Variants in KDM6B observed in about 807,000 individuals in gnomAD.
KDM6B encodes the protein lysine-specific demethylase 6B.
A neutral mutation model predicts 150.4 loss-of-function variants in KDM6B; 22 were observed. The observed-to-expected ratio is 0.15, with a 90% CI of 0.10 to 0.21. KDM6B has a LOEUF of 0.21. Ranked by LOEUF, KDM6B falls within the 10% of genes least tolerant of loss-of-function variation. KDM6B has a pLI of 1.00. For missense variants in KDM6B, 1,984 were observed against 2,234.3 expected (o/e 0.89, Z 2.26); for synonymous variants, 1,148 against 921.1 (o/e 1.25, Z -4.46).
chr17:7,845,773 C>T, intron 5 of KDM6B, 82 bp downstream of exon 5: 3 of 1,605,688 alleles, frequency 1.9e-6, no homozygotes, highest in East Asian at 4.5e-5. Context: ...TCCATGGGTT[C>T]CTGTCATTCT....
intron 1 of KDM6B, among the ~76,000 whole-genome samples, chr17:7,835,302 G>A (rs1250786035): frequency 6.6e-6 from 1 of 152,104 alleles, no homozygotes; most frequent in Non-Finnish European, 1.5e-5. Flanking sequence ...TGCAGCTTAT[G>A]TTGTGACACT....
chr17:7,842,649 G>A (rs1196618894), intron 2 of KDM6B, among the ~76,000 whole-genome samples: 7 of 152,220 alleles, frequency 4.6e-5, no homozygotes, highest in Non-Finnish European at 7.3e-5. Context: ...GCCCGGCACG[G>A]GGAGGGGCCA....
intron 18 of KDM6B, 23 bp from the exon 19 acceptor site, chr17:7,851,928 C>T (rs1433716012): frequency 1.2e-6 from 2 of 1,610,864 alleles, no homozygotes; most frequent in African/African-American, 1.3e-5. Context: ...GCCAGCCATG[C>T]CGTTCTCTGT....
Position 7,853,789 on chromosome 17 carries a change from C to T in KDM6B, c.*268C>T. 1 of 280,406 alleles carries T rather than the reference C, an allele frequency of 3.6e-6. No homozygotes were observed. Among genetic ancestry groups the T allele is most frequent in the Non-Finnish European group, 6.6e-6 (1 of 151,608 alleles). The allele number at this position is 280,406 out of a possible 1,614,324, so 17.4% of individuals were successfully genotyped here. On this transcript the variant is annotated 3_prime_UTR_variant, in exon 24 of 24. Transcript: ENST00000448097. ...CAGCGCCTCCCCTCACCGACTTTGG[C>T]CTTTTTAGCAACAGACACAAGGACC...
chr17:7,851,445 C>T (rs770714585), intron 16 of KDM6B, 33 bp from the exon 17 acceptor site: 4 of 1,614,200 alleles, frequency 2.5e-6, no homozygotes, highest in Non-Finnish European at 3.4e-6. Flanking sequence ...CCTCCCTCTG[C>T]TCTCCACCAA....
Position 7,848,831 on chromosome 17 carries a change from T to A in KDM6B, c.2543T>A (p.Leu848Gln). 6.2e-7 allele frequency: 1 copy of A among 1,612,272 alleles called. No individual in the cohort carries two copies. The highest frequency in any genetic ancestry group is 8.5e-7 in the Non-Finnish European group (1 of 1,179,790). Residue 848 changes from leucine to glutamine, a missense_variant, in exon 12 of 24, where the codon CTG becomes CAG. Physicochemically the swap from Leu to Gln is moderately radical, Grantham distance 113. Around this residue, in one of 13 missense-constraint regions of KDM6B, gnomAD observed 1,379 missense variants for 1,275.6 expected, o/e 1.08. Coordinates refer to ENST00000448097, the MANE Select transcript of KDM6B (RefSeq NM_001348716.2). The part of the protein sequence containing the change: ...SPGPPSGATA[L>Q]PPTSAAPSAQ... ...GGCCCCCCATCAGGTGCTACCGCCC[T>A]GCCGCCCACCTCAGCGGCCCCTAGC...
Position 7,843,222 on chromosome 17 carries a change from C to T in KDM6B, c.-268-1679C>T, listed in dbSNP as rs1363681007. ...TCTGCCCCTCTGTTGTCTGGTTCCC[C>T]GGCTCCCCCTCCACGTCTGGTTCTT... On this transcript the variant is annotated intron_variant, in intron 2 of 23. Transcript: ENST00000448097. The surrounding 1 kb of genome is among the most constrained non-coding windows in gnomAD (Gnocchi z 4.5). Among the ~76,000 whole-genome samples the T allele has an allele frequency of 6.6e-6, 1 of 152,148 alleles. No homozygotes were observed. The highest frequency in any genetic ancestry group is 1.5e-5 in the Non-Finnish European group (1 of 68,030).
Position 7,848,612 on chromosome 17 carries a change from T to G in KDM6B, c.2324T>G (p.Leu775Arg), listed in dbSNP as rs758101438. The G allele has an allele frequency of 1.3e-6, 2 of 1,569,274 alleles. No individual in the cohort carries two copies. Among genetic ancestry groups the G allele is most frequent in the African/African-American group, 2.8e-5 (2 of 70,254 alleles). Residue 775 changes from leucine to arginine, a missense_variant, in exon 12 of 24, where the codon CTA (leucine) becomes CGA (arginine). Leu to Arg is a moderately radical substitution (Grantham distance 102). Coordinates refer to ENST00000448097, the MANE Select transcript of KDM6B (RefSeq NM_001348716.2). ...GAGGAGAAGAAGCCACCACCAGCCC[T>G]ACCACCACCACCGCCTCTAGCCAAG... ...QEEEKKPPPA[L>R]PPPPPLAKFP...
In KDM6B at chr17:7,847,186, C is replaced by T. The variant is rs574745877; in HGVS notation, c.991C>T (p.Pro331Ser). The change falls in exon 11 of 24, where the codon CCG becomes TCG. Residue 331 changes from proline (P) to serine (S), a missense_variant. Physicochemically the swap from Pro to Ser is moderately conservative, Grantham distance 74. This residue lies in a region of KDM6B where 1,379 missense variants were observed against 1,275.6 expected (regional missense o/e 1.08). Coordinates refer to ENST00000448097, the MANE Select transcript of KDM6B (RefSeq NM_001348716.2). ...GCACCCCCCTGGCCACCGGCTGGTC[C>T]CGGCTGCTCCCCCAGGCCCAGGCCC... ...TAHPPGHRLV[P>S]AAPPGPGPRP... is the part of the protein sequence containing the mutation. 4 of 1,603,616 alleles carry T rather than the reference C, an allele frequency of 2.5e-6. No individual in the cohort carries two copies. Among genetic ancestry groups the T allele is most frequent in the Admixed American group, 3.3e-5 (2 of 59,964 alleles).
At chr17:7,852,403 C>CTGT in intron 20 of KDM6B, 67 bp downstream of exon 20, 1 of 1,289,000 alleles carries the variant, frequency 7.8e-7, no homozygotes. Flanking sequence ...GAGGCTGGGG[C>CTGT]TTGGAGAGCC....
intron 2 of KDM6B, among the ~76,000 whole-genome samples, chr17:7,842,987 C>T (rs1567785352): frequency 6.7e-6 from 1 of 149,540 alleles, no homozygotes; most frequent in Non-Finnish European, 1.5e-5. Context: ...CAAGTGAGGG[C>T]TTTGTATTCT....
In KDM6B at chr17:7,847,882, C is replaced by T. The variant is rs754650989; in HGVS notation, c.1594C>T (p.Arg532Cys). ...REGFLGPPAS[R>C]FSVGTQDSHT... ...GGGCTTCTTGGGGCCTCCGGCCTCC[C>T]GCTTTTCTGTGGGCACTCAGGATTC... Residue 532 changes from arginine (R) to cysteine (C), a missense_variant, in exon 12 of 24, where the codon CGC becomes TGC. Physicochemically the swap from Arg to Cys is radical, Grantham distance 180. Transcript: ENST00000448097. 12 of 1,609,220 alleles carry T rather than the reference C, an allele frequency of 7.5e-6. No homozygotes were observed. In the South Asian group the frequency reaches 7.7e-5, roughly 10 times the overall value.
intron 1 of KDM6B, among the ~76,000 whole-genome samples, 51 bp downstream of exon 1, chr17:7,834,401 A>T (rs1399966719): frequency 1.3e-5 from 2 of 152,098 alleles, no homozygotes; most frequent in Admixed American, 1.3e-4. Context: ...CTCTCCTTGC[A>T]GCAGGGCAGG....
Position 7,844,994 on chromosome 17 carries a change from G to GATA in KDM6B, c.-175_-174insATA. 1 of 187,678 alleles carries GATA rather than the reference G, an allele frequency of 5.3e-6. No homozygotes were observed. The highest frequency in any genetic ancestry group is 1.3e-4 in the East Asian group (1 of 7,626). The allele number at this position is 187,678 out of a possible 1,614,324, so 11.6% of individuals were successfully genotyped here. A position where few individuals can be genotyped will look rare whatever the true frequency, so the allele number is the denominator to read the frequency against. On this transcript the variant is annotated 5_prime_UTR_variant, in exon 3 of 24. The change creates a new upstream start codon in the 5' untranslated region. Coordinates refer to ENST00000448097, the MANE Select transcript of KDM6B (RefSeq NM_001348716.2). This position sits in a 1 kb window ranked among gnomAD's most constrained non-coding sequence, Gnocchi z 5.9. ...CAGATCTCTGGAGCTTGCCGACGCG[G>GATA]TGTGAGGACGCTCCCACGGAGGCCG...
At position 7,846,150 on chromosome 17, in the gene KDM6B, G is replaced by T; in HGVS notation, c.309G>T (p.Glu103Asp). Residue 103 changes from glutamate to aspartate, a missense_variant, in exon 7 of 24, where the codon GAG becomes GAT. Glu to Asp is a conservative substitution (Grantham distance 45). Coordinates refer to ENST00000448097, the MANE Select transcript of KDM6B (RefSeq NM_001348716.2). ...LHGCVQALLR[E>D]PAQPGLWEQL... ...GCTGTGTGCAGGCATTGCTCCGGGA[G>T]CCAGCCCAGCCAGGGCTTTGGGAAC... 6.2e-7 allele frequency: 1 copy of T among 1,613,928 alleles called. No homozygotes were observed. The highest frequency in any genetic ancestry group is 8.5e-7 in the Non-Finnish European group (1 of 1,179,974).
intron 1 of KDM6B, among the ~76,000 whole-genome samples, chr17:7,836,372 C>A (rs1052828586): frequency 6.6e-6 from 1 of 152,346 alleles, no homozygotes; most frequent in African/African-American, 2.4e-5. Flanking sequence ...TATAACTCTT[C>A]CTCTCGCCGT....
chr17:7,846,500 T>C lies in KDM6B; in HGVS notation c.549+8T>C. On this transcript the variant is annotated splice_region_variant and intron_variant, in intron 8 of 23. Transcript: ENST00000448097. ...AACTTGCTACACCTTGAGGTGAGGC[T>C]GGCACTGGGTGGGTTAGGGAGGAGA... 2.5e-6 allele frequency: 4 copies of C among 1,613,972 alleles called. No individual in the cohort carries two copies. Among genetic ancestry groups the C allele is most frequent in the Non-Finnish European group, 3.4e-6 (4 of 1,179,938 alleles).
rs1467981766 is a variant in KDM6B, at chr17:7,849,333, C to A, written c.3045C>A (p.Arg1015=). 1.3e-6 allele frequency: 2 copies of A among 1,576,966 alleles called. No individual in the cohort carries two copies. The highest frequency in any genetic ancestry group is 8.6e-7 in the Non-Finnish European group (1 of 1,161,786). The change falls in exon 12 of 24, where the codon CGC becomes CGA. Residue 1015 remains arginine (R), a synonymous_variant. Coordinates refer to ENST00000448097, the MANE Select transcript of KDM6B (RefSeq NM_001348716.2). ...AKAKVPKEKS[R]RVLGNLDLQS... ...CCAAGGTCCCCAAAGAAAAGAGCCGCCGGGTGCTGGGGAACCTGGACCTGC... is the reference window on the plus strand; with the variant it reads ...CCAAGGTCCCCAAAGAAAAGAGCCGACGGGTGCTGGGGAACCTGGACCTGC...
chr17:7,852,968 G>A (rs745694876), intron 21 of KDM6B, 32 bp from the exon 22 acceptor site: 4 of 1,613,162 alleles, frequency 2.5e-6, no homozygotes, highest in South Asian at 2.2e-5. Flanking sequence ...CCTCCTTGCC[G>A]GTGGTCTCAA....
Sources: allele counts gnomAD v4.1 joint callset (sites outside exome capture counted in the v4.1 genomes callset), GRCh38; gene constraint gnomAD v4.1.1; regional missense constraint gnomAD v4.1.1; non-coding constraint Gnocchi (gnomAD v3.1); transcripts MANE v1.5; gene names NCBI Gene and HGNC (gene_info 2026-07-23, HGNC 2026-07-21).